Variants in RIMBP2 observed in about 807,000 individuals in gnomAD.
The protein encoded by RIMBP2 is RIMS binding protein 2.
RIMBP2 carries 48 observed loss-of-function variants against 118.6 expected under a neutral mutation model. The ratio of observed to expected loss-of-function variants is 0.40; its 90% CI spans 0.32 to 0.51. The LOEUF (loss-of-function observed/expected upper bound fraction) is 0.51, where lower values mean the gene tolerates loss of function less well. Ranked by LOEUF, RIMBP2 falls within the 20% of genes least tolerant of loss-of-function variation. The pLI is 0.41. For missense variants in RIMBP2, 1,551 were observed against 1,768.3 expected, an observed-to-expected ratio of 0.88 and a Z score of 2.20; for synonymous variants, 762 against 742.9, an observed-to-expected ratio of 1.03 and a Z score of -0.42.
chr12:130,621,816 T>G lies in RIMBP2; in HGVS notation c.-217+6506A>C, dbSNP rs537737242. ...ACACATTTGTACTCTACCCTTTTAC[T>G]GCCCTTGAAGGTAAACCTGGAGCCA... On this transcript the variant is annotated intron_variant, in intron 2 of 22. Transcript: ENST00000690449. The surrounding 1 kb of genome is among the most constrained non-coding windows in gnomAD (Gnocchi z 6.6). Among the ~76,000 whole-genome samples the G allele has an allele frequency of 4.6e-5, 7 of 152,302 alleles. No individual in the cohort carries two copies. The highest frequency in any genetic ancestry group is 1.7e-4 in the African/African-American group (7 of 41,570).
chr12:130,656,632 C>T (rs1381966799), intron 1 of RIMBP2, among the ~76,000 whole-genome samples: 1 of 152,128 alleles, frequency 6.6e-6, no homozygotes, highest in African/African-American at 2.4e-5. Context: ...TTGTGAGCGA[C>T]CTCCCCGCGT....
At chr12:130,646,085 A>G (rs1361343900) in intron 1 of RIMBP2, among the ~76,000 whole-genome samples, 2 of 131,556 alleles carry the variant, frequency 1.5e-5, no homozygotes, top group East Asian at 4.9e-4. Flanking sequence ...CTCCCTCACC[A>G]CTTCCCTCTC....
chr12:130,652,079 T>A (rs2063252900), intron 1 of RIMBP2, among the ~76,000 whole-genome samples: 1 of 152,234 alleles, frequency 6.6e-6, no homozygotes, highest in Non-Finnish European at 1.5e-5. Flanking sequence ...AATGTTTTGA[T>A]TAATTTGGGT....
At chr12:130,595,296 C>T (rs150502852) in intron 2 of RIMBP2, among the ~76,000 whole-genome samples, 2,022 of 152,300 alleles carry the variant, frequency 0.013, 53 homozygotes, top group African/African-American at 0.046. Flanking sequence ...CGGTGGCTCA[C>T]GCCTGTAATC....
At chr12:130,539,653 A>G (rs112586638) in intron 2 of RIMBP2, among the ~76,000 whole-genome samples, 46 of 143,548 alleles carry the variant, frequency 3.2e-4, no homozygotes, top group African/African-American at 1.2e-3. Context: ...GCAGTCGATG[A>G]GGTGGCCAGG....
chr12:130,580,880 C>T (rs536189047), intron 2 of RIMBP2, among the ~76,000 whole-genome samples: 31 of 151,950 alleles, frequency 2.0e-4, no homozygotes, highest in African/African-American at 6.8e-4. Context: ...GCGGAGGTTG[C>T]AGTGAGCCGA....
At chr12:130,408,363 C>A (rs913351421) in intron 19 of RIMBP2, among the ~76,000 whole-genome samples, 2 of 152,218 alleles carry the variant, frequency 1.3e-5, no homozygotes, top group African/African-American at 4.8e-5. Context: ...CCTTCTCCAC[C>A]CAGCCCAGTG....
At chr12:130,665,009 G>A (rs1225292039) in intron 1 of RIMBP2, among the ~76,000 whole-genome samples, 1 of 151,614 alleles carries the variant, frequency 6.6e-6, no homozygotes, top group Non-Finnish European at 1.5e-5. Flanking sequence ...GGTGTGAGCA[G>A]CATGCTGGAG....
chr12:130,541,362 A>G (rs1264153537), intron 2 of RIMBP2, among the ~76,000 whole-genome samples: 1 of 152,218 alleles, frequency 6.6e-6, no homozygotes, highest in Non-Finnish European at 1.5e-5. Context: ...AGTGGTGTCT[A>G]CAGGTCACTG....
chr12:130,713,027 G>C (rs117066652), intron 1 of RIMBP2, among the ~76,000 whole-genome samples: 1 of 151,636 alleles, frequency 6.6e-6, no homozygotes, highest in Non-Finnish European at 1.5e-5. Flanking sequence ...GAGTCAGAGA[G>C]AGAGACTGAG....
intron 4 of RIMBP2, among the ~76,000 whole-genome samples, chr12:130,504,769 C>T (rs773298114): frequency 1.3e-5 from 2 of 152,084 alleles, no homozygotes; most frequent in African/African-American, 4.8e-5. Context: ...ACCACTGACA[C>T]GTGGGACCAG....
intron 4 of RIMBP2, among the ~76,000 whole-genome samples, chr12:130,506,297 T>C (rs1323104546): frequency 6.6e-6 from 1 of 152,182 alleles, no homozygotes; most frequent in African/African-American, 2.4e-5. Context: ...CAGCTTAAAA[T>C]TCCTGAAGTT....
At chr12:130,496,121 T>C (rs1384298223) in intron 4 of RIMBP2, among the ~76,000 whole-genome samples, 1 of 152,168 alleles carries the variant, frequency 6.6e-6, no homozygotes, top group African/African-American at 2.4e-5. Flanking sequence ...CCAAATCTCA[T>C]CTTGAATAGT....
chr12:130,504,470 G>T (rs982560173), intron 4 of RIMBP2, among the ~76,000 whole-genome samples: 17 of 152,096 alleles, frequency 1.1e-4, no homozygotes, highest in African/African-American at 4.1e-4. Flanking sequence ...CAACTCAAAG[G>T]GTGTGAGGTC....
chr12:130,586,447 C>T (rs2058887587), intron 2 of RIMBP2, among the ~76,000 whole-genome samples: 1 of 152,084 alleles, frequency 6.6e-6, no homozygotes, highest in African/African-American at 2.4e-5. Context: ...AGGGAAACTC[C>T]ATCTCAAAAA....
chr12:130,711,581 A>T (rs941800193), intron 1 of RIMBP2, among the ~76,000 whole-genome samples: 2 of 152,226 alleles, frequency 1.3e-5, no homozygotes, highest in African/African-American at 2.4e-5. Flanking sequence ...ATTTGGACTT[A>T]AAGTTTATAT....
At chr12:130,544,512 C>T (rs374378931) in intron 2 of RIMBP2, among the ~76,000 whole-genome samples, 9 of 151,760 alleles carry the variant, frequency 5.9e-5, no homozygotes, top group East Asian at 1.9e-4. Flanking sequence ...CATCTTAGCA[C>T]GCTGGTCATG....
chr12:130,677,136 G>A (rs1011658435), intron 1 of RIMBP2, among the ~76,000 whole-genome samples: 1 of 152,144 alleles, frequency 6.6e-6, no homozygotes, highest in Non-Finnish European at 1.5e-5. Flanking sequence ...GACTAGGGTG[G>A]GGGTGCTGTT....
chr12:130,577,439 C>T (rs924292493), intron 2 of RIMBP2, among the ~76,000 whole-genome samples: 13 of 152,162 alleles, frequency 8.5e-5, no homozygotes. Context: ...CCTCAGGAAA[C>T]TTACAGTCAC....
Sources: gnomAD v4.1 joint callset for allele counts (sites outside exome capture counted in the v4.1 genomes callset) on GRCh38, gnomAD v4.1.1 for gene constraint, Gnocchi (gnomAD v3.1) non-coding constraint, MANE v1.5 for transcripts, NCBI Gene and HGNC (gene_info 2026-07-23, HGNC 2026-07-21) for gene names.